The following PFKP variants were observed in gnomAD, a reference collection of about 807,000 sequenced individuals.
PFKP encodes the protein ATP-dependent 6-phosphofructokinase, platelet type.
Under a neutral mutation model 94.3 loss-of-function variants are expected in PFKP, and 101 were observed. That is an observed-to-expected ratio of 1.07 (90% CI 0.91 to 1.26). The LOEUF is 1.26. Ranked by LOEUF, PFKP falls within the 50% of genes most tolerant of loss-of-function variation. The probability of loss-of-function intolerance (pLI) is 0.00; values close to 1 mark genes in which losing one functional copy is unlikely to be tolerated. For missense variants in PFKP, 1,145 were observed against 1,103.3 expected (o/e 1.04, Z -0.53); for synonymous variants, 573 against 432.6 (o/e 1.32, Z -4.03).
At chr10:3,072,819 T>C (rs1193242268) in intron 1 of PFKP, among the ~76,000 whole-genome samples, 1 of 151,942 alleles carries the variant, frequency 6.6e-6, no homozygotes, top group Non-Finnish European at 1.5e-5. Flanking sequence ...AAGGTGAAGA[T>C]ACGGTAACGT....
At position 3,108,232 on chromosome 10, in the gene PFKP, C is replaced by T. The variant is rs141406768; in HGVS notation, c.871-469C>T. Among the ~76,000 whole-genome samples the T allele has an allele frequency of 2.1e-3, 316 of 152,270 alleles. 1 individual carries two copies. The highest frequency in any genetic ancestry group is 6.8e-3 in the African/African-American group (282 of 41,560). ...GAATAAGCTGAGTTCCAGAGACAGTCAGTGGCCTCTCCAGATCACCGGGCC... is the reference window on the plus strand; with the variant it reads ...GAATAAGCTGAGTTCCAGAGACAGTTAGTGGCCTCTCCAGATCACCGGGCC... On this transcript the variant is annotated intron_variant, in intron 8 of 21. Transcript: ENST00000381125.
rs570850874 is a variant in PFKP, at chr10:3,095,265, T to C, written c.187-4010T>C. 1.4e-4 allele frequency among the ~76,000 whole-genome samples: 21 copies of C among 152,282 alleles called. No homozygotes were observed. In the East Asian group the frequency reaches 4.0e-3, roughly 29 times the overall value. On this transcript the variant is annotated intron_variant, in intron 2 of 21. Transcript: ENST00000381125. ...AGGTGAACTACGCGCATAGGTGAAC[T>C]AGCTTACTCCATTTATGATGGATTC...
intron 2 of PFKP, among the ~76,000 whole-genome samples, chr10:3,087,937 TATC>T (rs1161962198): frequency 1.3e-5 from 2 of 151,572 alleles, no homozygotes; most frequent in Admixed American, 6.6e-5. Flanking sequence ...CCATTTATGG[TATC>T]ATCATTTTGC....
intron 2 of PFKP, among the ~76,000 whole-genome samples, chr10:3,088,817 C>T (rs528252387): frequency 1.3e-5 from 2 of 151,876 alleles, no homozygotes; most frequent in Admixed American, 1.3e-4. Context: ...TGCTTTTCCC[C>T]ACCCCTCCCC....
chr10:3,125,314 T>A, intron 16 of PFKP: 1 of 1,083,726 alleles, frequency 9.2e-7, no homozygotes, highest in Non-Finnish European at 1.2e-6. Context: ...GTTTCTTCTG[T>A]GCTAAGGATG....
chr10:3,076,330 G>C (rs921326519), intron 1 of PFKP, among the ~76,000 whole-genome samples: 9 of 152,048 alleles, frequency 5.9e-5, no homozygotes, highest in African/African-American at 1.7e-4. Context: ...GGGGAGGGCC[G>C]ACACTGTCCC....
At chr10:3,124,004 C>T (rs1837681024) in intron 16 of PFKP, among the ~76,000 whole-genome samples, 1 of 143,048 alleles carries the variant, frequency 7.0e-6, no homozygotes, top group African/African-American at 2.5e-5. Flanking sequence ...AGCACTGACC[C>T]ACCCGCCCCA....
At chr10:3,099,391 G>C (rs1834769071) in intron 3 of PFKP, 39 bp downstream of exon 3, 1 of 1,500,024 alleles carries the variant, frequency 6.7e-7, no homozygotes, top group African/African-American at 1.4e-5. Context: ...CTCTGAGTTA[G>C]AGACTCTTTT....
chr10:3,087,426 C>A (rs534297515), intron 2 of PFKP, among the ~76,000 whole-genome samples: 1 of 152,278 alleles, frequency 6.6e-6, no homozygotes, highest in East Asian at 1.9e-4. Context: ...CCTGCCCCTG[C>A]CCTCGGTGGG....
Position 3,135,795 on chromosome 10 carries a change from A to G in PFKP, c.2182A>G (p.Ile728Val), listed in dbSNP as rs1839201835. 1 of 1,613,660 alleles carries G rather than the reference A, an allele frequency of 6.2e-7. No homozygotes were observed. The highest frequency in any genetic ancestry group is 1.7e-5 in the Admixed American group (1 of 59,980). ...GCTGGGAATAAGCAAAAGAAACGTT[A>G]TTTTTCAACCTGTGGCAGAGCTGAA... ...CVLGISKRNV[I>V]FQPVAELKKQ... The change falls in exon 21 of 22, where the codon ATT becomes GTT. Residue 728 changes from isoleucine (I) to valine (V), a missense_variant. Coordinates refer to ENST00000381125, the MANE Select transcript of PFKP (RefSeq NM_002627.5).
At chr10:3,073,153 C>T (rs113863820) in intron 1 of PFKP, among the ~76,000 whole-genome samples, 5 of 151,992 alleles carry the variant, frequency 3.3e-5, no homozygotes, top group African/African-American at 1.2e-4. Flanking sequence ...GAGGCAGAGA[C>T]ATTTATAGGT....
In PFKP at chr10:3,105,100, C is replaced by G. The variant is rs1330130612; in HGVS notation, c.621-15C>G. 2 of 1,613,714 alleles carry G rather than the reference C, an allele frequency of 1.2e-6. No individual in the cohort carries two copies. Among genetic ancestry groups the G allele is most frequent in the Non-Finnish European group, 1.7e-6 (2 of 1,179,676 alleles). On this transcript the variant is annotated splice_polypyrimidine_tract_variant and intron_variant, in intron 5 of 21. Transcript: ENST00000381125. The stretch of plus-strand genomic sequence containing the variant: ...TTCTGAGCTGTGTCCGGGGCTCCCT[C>G]TGTTTCTCTTCCAGCCACCAGAGGA...
intron 7 of PFKP, among the ~76,000 whole-genome samples, chr10:3,106,201 G>A (rs1038973321): frequency 6.6e-6 from 1 of 151,588 alleles, no homozygotes; most frequent in Non-Finnish European, 1.5e-5. Context: ...TCTGGAGGGA[G>A]GCAGAAAGCA....
At chr10:3,102,591 T>A (rs192803029) in intron 4 of PFKP, among the ~76,000 whole-genome samples, 205 of 152,184 alleles carry the variant, frequency 1.3e-3, no homozygotes, top group African/African-American at 4.5e-3. Flanking sequence ...TTTAAAATTT[T>A]TTTATTTATT....
chr10:3,095,750 G>A (rs540967056), intron 2 of PFKP, among the ~76,000 whole-genome samples: 7 of 152,156 alleles, frequency 4.6e-5, no homozygotes, highest in Non-Finnish European at 1.0e-4. Context: ...TAGTACGTTT[G>A]GGCAAAATGA....
At chr10:3,093,678 CTG>C (rs980965770) in intron 2 of PFKP, among the ~76,000 whole-genome samples, 3 of 121,986 alleles carry the variant, frequency 2.5e-5, no homozygotes, top group African/African-American at 1.1e-4. Flanking sequence ...GAGTCTTGCT[CTG>C]TCACCCAGGC....
chr10:3,117,374 A>C (rs1382526288), intron 14 of PFKP, among the ~76,000 whole-genome samples: 1 of 152,202 alleles, frequency 6.6e-6, no homozygotes, highest in Non-Finnish European at 1.5e-5. Flanking sequence ...GGGATTTCCT[A>C]ATGTAGATGA....
intron 2 of PFKP, among the ~76,000 whole-genome samples, chr10:3,094,815 A>C (rs936169087): frequency 6.6e-6 from 1 of 152,214 alleles, no homozygotes; most frequent in Non-Finnish European, 1.5e-5. Flanking sequence ...TTATTAAGGA[A>C]TGTTGTAGCT....
At position 3,132,443 on chromosome 10, in the gene PFKP, T is replaced by TGA. The variant is rs376621815; in HGVS notation, c.1910+13_1910+14dup. 44 of 1,603,194 alleles carry TGA rather than the reference T, an allele frequency of 2.7e-5. No individual in the cohort carries two copies. The highest frequency in any genetic ancestry group is 3.3e-4 in the Middle Eastern group (2 of 6,052). ...CATCCAGAGAGGCCTTGTGCTCAGG[T>TGA]GAGAGAGAGAGACCAGGGGCTGATC... On this transcript the variant is annotated splice_region_variant and intron_variant, in intron 18 of 21. Transcript: ENST00000381125.
Sources: gnomAD v4.1 joint callset for allele counts (sites outside exome capture counted in the v4.1 genomes callset) on GRCh38, gnomAD v4.1.1 for gene constraint, MANE v1.5 for transcripts, NCBI Gene and HGNC (gene_info 2026-07-23, HGNC 2026-07-21) for gene names.